TAF1B: variants seen among roughly 807,000 people sequenced by gnomAD.
The protein encoded by TAF1B is TATA box-binding protein-associated factor RNA polymerase I subunit B.
Under a neutral mutation model 83.9 loss-of-function variants are expected in TAF1B, and 61 were observed. The observed-to-expected ratio is 0.73, with a 90% CI of 0.59 to 0.90. The LOEUF (loss-of-function observed/expected upper bound fraction) is 0.90, where lower values mean the gene tolerates loss of function less well. Among genes scored for constraint, TAF1B ranks in the 40% least tolerant of loss-of-function variants. The pLI is 0.00. For synonymous variants in TAF1B, 221 were observed against 224.6 expected (o/e 0.98, Z 0.14); for missense variants, 625 against 677.0 (o/e 0.92, Z 0.85).
chr2:9,919,245 A>T, intron 13 of TAF1B, 134 bp downstream of exon 13: 1 of 706,612 alleles, frequency 1.4e-6, no homozygotes, highest in Non-Finnish European at 2.4e-6. Flanking sequence ...ATGTACATCC[A>T]AAGGAGCATC....
chr2:9,904,271 C>T (rs1011854940), intron 8 of TAF1B, among the ~76,000 whole-genome samples: 2 of 152,154 alleles, frequency 1.3e-5, no homozygotes, highest in Non-Finnish European at 2.9e-5. Context: ...CCTCCACCCT[C>T]AAGTAGGCCC....
chr2:9,844,851 T>G (rs1663150166), intron 1 of TAF1B, among the ~76,000 whole-genome samples: 1 of 152,212 alleles, frequency 6.6e-6, no homozygotes, highest in African/African-American at 2.4e-5. Context: ...GCGCTTTTAG[T>G]GTCCTGGAGG....
intron 8 of TAF1B, among the ~76,000 whole-genome samples, chr2:9,892,186 C>T (rs1157901075): frequency 6.6e-6 from 1 of 152,126 alleles, no homozygotes; most frequent in Non-Finnish European, 1.5e-5. Flanking sequence ...GTTACAGTTG[C>T]CTACAGCATT....
chr2:9,927,077 G>T (rs1234773477), intron 14 of TAF1B, among the ~76,000 whole-genome samples: 1 of 127,700 alleles, frequency 7.8e-6, no homozygotes, highest in African/African-American at 3.0e-5. Context: ...GTGTCCAAGT[G>T]TTCTCATTGT....
intron 5 of TAF1B, among the ~76,000 whole-genome samples, chr2:9,863,139 G>C (rs1663836219): frequency 1.3e-5 from 2 of 152,268 alleles, no homozygotes; most frequent in South Asian, 4.1e-4. Flanking sequence ...CCAATTAAAA[G>C]ACACAGACTG....
intron 9 of TAF1B, among the ~76,000 whole-genome samples, chr2:9,906,705 C>T (rs909370420): frequency 1.3e-5 from 2 of 152,108 alleles, no homozygotes. Flanking sequence ...ACCACAGCTA[C>T]AGAAAATGAA....
At chr2:9,849,149 G>A (rs1429172153) in intron 2 of TAF1B, among the ~76,000 whole-genome samples, 3 of 152,162 alleles carry the variant, frequency 2.0e-5, no homozygotes, top group African/African-American at 4.8e-5. Flanking sequence ...ACACTTTATG[G>A]TTACTGTATT....
chr2:9,851,559 A>T lies in TAF1B; in HGVS notation c.224A>T (p.Tyr75Phe). 1 of 1,608,498 alleles carries T rather than the reference A, an allele frequency of 6.2e-7. No homozygotes were observed. The highest frequency in any genetic ancestry group is 8.5e-7 in the Non-Finnish European group (1 of 1,178,244). Reference protein sequence around the residue: ...KNNTEKGWDWYVCEGFQYILY... With the variant: ...KNNTEKGWDWFVCEGFQYILY... ...CATTTAGAAAAAGGCTGGGATTGGT[A>T]TGTGTGTGAAGGTTTCCAGTATATT... The change falls in exon 4 of 15, where the codon TAT becomes TTT. Residue 75 changes from tyrosine (Y) to phenylalanine (F), a missense_variant. Tyr to Phe is a conservative substitution (Grantham distance 22, BLOSUM62 3). Transcript: ENST00000263663.
intron 5 of TAF1B, among the ~76,000 whole-genome samples, chr2:9,862,145 G>A (rs1161708038): frequency 6.6e-6 from 1 of 152,070 alleles, no homozygotes; most frequent in Non-Finnish European, 1.5e-5. Flanking sequence ...AAACTACTCC[G>A]AGCTAAAGGA....
intron 14 of TAF1B, among the ~76,000 whole-genome samples, chr2:9,922,146 T>C (rs577039309): frequency 6.6e-6 from 1 of 152,328 alleles, no homozygotes; most frequent in East Asian, 1.9e-4. Flanking sequence ...ATCCTAAGTC[T>C]GCCACTTGCT....
At chr2:9,919,272 C>G (rs1284858263) in intron 13 of TAF1B, among the ~76,000 whole-genome samples, 161 bp downstream of exon 13, 1 of 152,178 alleles carries the variant, frequency 6.6e-6, no homozygotes, top group African/African-American at 2.4e-5. Flanking sequence ...TGCAAGAAAT[C>G]TCTGCAGGAA....
intron 8 of TAF1B, among the ~76,000 whole-genome samples, chr2:9,894,077 TAAC>T (rs1462440839): frequency 7.0e-6 from 1 of 141,894 alleles, no homozygotes; most frequent in East Asian, 2.0e-4. Flanking sequence ...CTTACATCCT[TAAC>T]TAAAAGTGTA....
intron 7 of TAF1B, among the ~76,000 whole-genome samples, chr2:9,881,916 A>G (rs1246142499): frequency 6.6e-6 from 1 of 152,156 alleles, no homozygotes; most frequent in Non-Finnish European, 1.5e-5. Context: ...AACATGTACC[A>G]TTATAGGTAT....
chr2:9,896,412 TC>T (rs1358118975), intron 8 of TAF1B, among the ~76,000 whole-genome samples: 1 of 152,128 alleles, frequency 6.6e-6, no homozygotes, highest in Non-Finnish European at 1.5e-5. Flanking sequence ...CTTCCCCCCT[TC>T]CATGCCTTAG....
chr2:9,933,228 C>T lies in TAF1B; in HGVS notation c.1566-555C>T, dbSNP rs576471707. On this transcript the variant is annotated intron_variant, in intron 14 of 14. Coordinates refer to ENST00000263663, the MANE Select transcript of TAF1B (RefSeq NM_005680.3). ...CCTCAGCTGGAAATGCAGAAATCACCCGTCTTCTGATCATGCTGGGAGCTG... is the reference window on the plus strand; with the variant it reads ...CCTCAGCTGGAAATGCAGAAATCACTCGTCTTCTGATCATGCTGGGAGCTG... 5.5e-4 allele frequency among the ~76,000 whole-genome samples: 84 copies of T among 152,300 alleles called. 1 individual carries two copies. The South Asian group carries it at 7.3e-3, about 13-fold the overall frequency.
chr2:9,858,839 C>A (rs1215047572), intron 5 of TAF1B, among the ~76,000 whole-genome samples: 1 of 152,222 alleles, frequency 6.6e-6, no homozygotes, highest in African/African-American at 2.4e-5. Context: ...CACAAAGTAA[C>A]TGAGCCCTGG....
At chr2:9,928,952 A>G (rs1666126554) in intron 14 of TAF1B, among the ~76,000 whole-genome samples, 1 of 152,154 alleles carries the variant, frequency 6.6e-6, no homozygotes, top group South Asian at 2.1e-4. Flanking sequence ...TTCAAAGGGA[A>G]TGCTTCCAGT....
At chr2:9,919,516 C>A in intron 13 of TAF1B, 82 bp from the exon 14 acceptor site, 1 of 1,228,856 alleles carries the variant, frequency 8.1e-7, no homozygotes, top group Non-Finnish European at 1.2e-6. Context: ...AATATTGGTA[C>A]ATTCCTATCA....
At chr2:9,855,806 A>G (rs1326542956) in intron 5 of TAF1B, among the ~76,000 whole-genome samples, 1 of 152,234 alleles carries the variant, frequency 6.6e-6, no homozygotes, top group Non-Finnish European at 1.5e-5. Flanking sequence ...ATCAAATACA[A>G]AACCTATTTT....
Sources: gnomAD v4.1 joint callset for allele counts (sites outside exome capture counted in the v4.1 genomes callset) on GRCh38, gnomAD v4.1.1 for gene constraint, MANE v1.5 for transcripts, NCBI Gene and HGNC (gene_info 2026-07-23, HGNC 2026-07-21) for gene names.